Variants in NOTCH2NLA observed in about 807,000 individuals in gnomAD.
NOTCH2NLA encodes the protein notch 2 N-terminal like A, also known as notch homolog 2 N-terminal-like protein A.
At chr1:146,162,286 G>C (rs1287998057) in intron 3 of NOTCH2NLA, among the ~76,000 whole-genome samples, 1 of 147,730 alleles carries the variant, frequency 6.8e-6, no homozygotes, top group African/African-American at 2.5e-5. Flanking sequence ...AAGAATAGTT[G>C]TACTACATCA....
chr1:146,154,086 A>ATT (rs1474466567), downstream of NOTCH2NLA: 1 of 117,932 alleles, frequency 8.5e-6, no homozygotes, highest in Non-Finnish European at 1.8e-5. Flanking sequence ...GTACTATTTG[A>ATT]TTATAATTAG....
At chr1:146,182,412 CTAAAGTAAATACATG>C (rs1662574873) in intron 2 of NOTCH2NLA, among the ~76,000 whole-genome samples, 2 of 139,012 alleles carry the variant, frequency 1.4e-5, no homozygotes, top group South Asian at 4.4e-4. Context: ...CACATGAGGA[CTAAAGTAAATACATG>C]TAAACTACTT....
chr1:146,210,673 AT>A (rs1488320088), intron 1 of NOTCH2NLA, among the ~76,000 whole-genome samples: 1 of 95,174 alleles, frequency 1.1e-5, no homozygotes, highest in Non-Finnish European at 2.0e-5. Flanking sequence ...AGATATTCAA[AT>A]TTTTTAATTT....
exon 1 of NOTCH2NLA, chr1:146,228,726 C>T (rs1559397850): frequency 1.9e-6 from 3 of 1,562,442 alleles, no homozygotes; most frequent in Non-Finnish European, 2.6e-6. Context: ...GGGGGTCGCG[C>T]AGCACAGCCA....
intron 1 of NOTCH2NLA, among the ~76,000 whole-genome samples, chr1:146,224,047 T>C (rs1481181194): frequency 8.5e-6 from 1 of 118,126 alleles, no homozygotes; most frequent in Non-Finnish European, 1.8e-5. Flanking sequence ...CTCTCAAATA[T>C]TTATTCATCA....
intron 3 of NOTCH2NLA, among the ~76,000 whole-genome samples, chr1:146,158,437 T>C (rs1265786349): frequency 6.6e-6 from 1 of 151,864 alleles, no homozygotes; most frequent in African/African-American, 2.4e-5. Context: ...GTCCTTGCAA[T>C]AGTTTGCTGA....
chr1:146,185,316 T>G (rs1245610487), intron 2 of NOTCH2NLA, among the ~76,000 whole-genome samples: 1 of 136,048 alleles, frequency 7.4e-6, no homozygotes, highest in African/African-American at 2.5e-5. Flanking sequence ...TGAAAGTGAT[T>G]AATGACATCA....
At chr1:146,184,917 GCAT>G (rs1662690479) in intron 2 of NOTCH2NLA, among the ~76,000 whole-genome samples, 1 of 97,228 alleles carries the variant, frequency 1.0e-5, no homozygotes, top group African/African-American at 3.1e-5. Context: ...CTAAAACCTA[GCAT>G]CCATAGGATC....
chr1:146,159,469 G>C (rs1559371045), intron 3 of NOTCH2NLA, among the ~76,000 whole-genome samples: 1 of 150,322 alleles, frequency 6.7e-6, no homozygotes, highest in African/African-American at 2.4e-5. Context: ...AAGAAAGGAA[G>C]GGAGAAAGAA....
rs782308523 is a variant in NOTCH2NLA, at chr1:146,159,966, C to CAAAAAAAAA, written c.299-3160_299-3152dup. Among the ~76,000 whole-genome samples, 37 of 7,436 alleles carry CAAAAAAAAA rather than the reference C, an allele frequency of 5.0e-3. 7 individuals are homozygous for CAAAAAAAAA. The highest frequency in any genetic ancestry group is 0.012 in the East Asian group (1 of 86). The allele number at this position is 7,436 out of a possible 152,430, so 4.9% of individuals were successfully genotyped here. The stretch of plus-strand genomic sequence containing the variant: ...TGGATGACAAAGCAATACTCCATCT[C>CAAAAAAAAA]AAAAAAAAAAAAAAAAAAAAAAAAA... On this transcript the variant is annotated intron_variant, in intron 3 of 4. Coordinates refer to ENST00000362074, the Ensembl canonical transcript of NOTCH2NLA.
At chr1:146,159,471 G>GAGAA (rs1365925519) in intron 3 of NOTCH2NLA, among the ~76,000 whole-genome samples, 3 of 150,372 alleles carry the variant, frequency 2.0e-5, no homozygotes, top group Non-Finnish European at 3.0e-5. Context: ...GAAAGGAAGG[G>GAGAA]AGAAAGAAAG....
intron 2 of NOTCH2NLA, among the ~76,000 whole-genome samples, chr1:146,185,712 C>T (rs1335983602): frequency 2.3e-5 from 3 of 129,298 alleles, no homozygotes; most frequent in South Asian, 2.5e-4. Context: ...ACACTTTCTA[C>T]CAGTTCCCAT....
intron 3 of NOTCH2NLA, among the ~76,000 whole-genome samples, chr1:146,157,647 G>T: frequency 1.4e-5 from 1 of 73,742 alleles, no homozygotes; most frequent in South Asian, 4.6e-4. Flanking sequence ...TGGCAGGGTT[G>T]GGTCTCCGTG....
intron 1 of NOTCH2NLA, among the ~76,000 whole-genome samples, chr1:146,219,806 A>AAATAT (rs1377460162): frequency 2.3e-5 from 2 of 88,586 alleles, no homozygotes; most frequent in East Asian, 2.5e-4. Flanking sequence ...AAAAAAAAAA[A>AAATAT]ATATATATAT....
intron 2 of NOTCH2NLA, among the ~76,000 whole-genome samples, chr1:146,171,887 A>T (rs1386853304): frequency 6.7e-6 from 1 of 148,160 alleles, no homozygotes; most frequent in Non-Finnish European, 1.5e-5. Flanking sequence ...CTTGTAGCAC[A>T]TGTTTTTTGA....
chr1:146,228,821 C>A lies in NOTCH2NLA; in HGVS notation c.-157G>T, dbSNP rs1664356218. ...CCTCCGCCGCCGCCGCCGCGGCCGC[C>A]TGGGCAGATCCACATGGGGAGGGGG... On this transcript the variant is annotated 5_prime_UTR_variant, in exon 1 of 5. In the 5' UTR this introduces an upstream ATG that the reference lacks. Transcript: ENST00000362074. 6.5e-7 allele frequency: 1 copy of A among 1,528,418 alleles called. No individual in the cohort carries two copies. Among genetic ancestry groups the A allele is most frequent in the Admixed American group, 2.0e-5 (1 of 49,136 alleles). The allele number at this position is 1,528,418 out of a possible 1,614,324, so 94.7% of individuals were successfully genotyped here. A position where few individuals can be genotyped will look rare whatever the true frequency, so the allele number is the denominator to read the frequency against.
At chr1:146,186,021 T>C (rs1344975483) in intron 2 of NOTCH2NLA, among the ~76,000 whole-genome samples, 2 of 135,954 alleles carry the variant, frequency 1.5e-5, no homozygotes, top group African/African-American at 5.0e-5. Flanking sequence ...CTTAAAATTC[T>C]GTGGAGGCTG....
chr1:146,205,069 GAT>G lies in NOTCH2NLA; in HGVS notation c.-44-15690_-44-15689del, dbSNP rs1276857347. 2.0e-5 allele frequency among the ~76,000 whole-genome samples: 2 copies of G among 100,764 alleles called. 1 individual carries two copies. The highest frequency in any genetic ancestry group is 5.0e-5 in the Non-Finnish European group (2 of 40,274). The allele number at this position is 100,764 out of a possible 152,430, so 66.1% of individuals were successfully genotyped here. A position where few individuals can be genotyped will look rare whatever the true frequency, so the allele number is the denominator to read the frequency against. ...CTATCTTTATCTTTTCTACCTCAAG[GAT>G]ACAGTTTTTTAATTGAAAATTTTAA... is the stretch of plus-strand genomic sequence containing the variant. On this transcript the variant is annotated intron_variant, in intron 1 of 4. Coordinates refer to ENST00000362074, the Ensembl canonical transcript of NOTCH2NLA.
intron 3 of NOTCH2NLA, among the ~76,000 whole-genome samples, chr1:146,158,229 A>C (rs1286874758): frequency 2.5e-4 from 38 of 150,216 alleles, no homozygotes; most frequent in Middle Eastern, 3.4e-3. Context: ...GGTTTGTTAC[A>C]TATGTATATA....
Sources: gnomAD v4.1 joint callset for allele counts (sites outside exome capture counted in the v4.1 genomes callset) on GRCh38, gnomAD v4.1.1 for gene constraint, MANE v1.5 for transcripts, NCBI Gene and HGNC (gene_info 2026-07-23, HGNC 2026-07-21) for gene names.